The following ARMH1 variants were observed in gnomAD, a reference collection of about 807,000 sequenced individuals.
ARMH1 encodes the protein armadillo-like helical domain containing protein 1.
In ARMH1, 34 loss-of-function variants were observed where a neutral mutation model predicts 50.2. The observed-to-expected ratio is 0.68, with a 90% confidence interval of 0.51 to 0.90. The LOEUF is 0.90. Ranked by LOEUF, ARMH1 falls within the 40% of genes least tolerant of loss-of-function variation. The pLI is 0.00. For missense variants in ARMH1, 538 were observed against 553.9 expected, an observed-to-expected ratio of 0.97 and a Z score of 0.29; for synonymous variants, 221 against 224.2, an observed-to-expected ratio of 0.99 and a Z score of 0.13.
At chr1:44,685,200 G>A (rs1645429538) in intron 1 of ARMH1, among the ~76,000 whole-genome samples, 1 of 152,028 alleles carries the variant, frequency 6.6e-6, no homozygotes, top group Non-Finnish European at 1.5e-5. Context: ...TACAACTTCA[G>A]AAAGGTTTCA....
chr1:44,714,453 T>C (rs6693615), intron 6 of ARMH1, among the ~76,000 whole-genome samples: 73,920 of 150,638 alleles, frequency 0.49, 19,439 homozygotes, highest in African/African-American at 0.69. Flanking sequence ...GGCGTGGTGG[T>C]GCATGCCTGT....
intron 6 of ARMH1, chr1:44,721,771 A>AT (rs1399665890): frequency 1.2e-4 from 18 of 152,170 alleles, no homozygotes; most frequent in Non-Finnish European, 2.5e-4. Context: ...GTCTCTCTTT[A>AT]GTAACAGAAC....
At chr1:44,680,698 G>T (rs774036866) in intron 1 of ARMH1, among the ~76,000 whole-genome samples, 60 of 152,186 alleles carry the variant, frequency 3.9e-4, no homozygotes, top group Non-Finnish European at 6.5e-4. Context: ...GAAGACAGGA[G>T]TAGAACCTAG....
chr1:44,675,835 C>G (rs967331060), intron 1 of ARMH1, among the ~76,000 whole-genome samples: 7 of 152,078 alleles, frequency 4.6e-5, no homozygotes, highest in Non-Finnish European at 8.8e-5. Flanking sequence ...TGGTGCACAC[C>G]TGTAATCCCA....
rs575474186 is a variant in ARMH1, at chr1:44,681,400, C to T, written c.-23+6527C>T. Among the ~76,000 whole-genome samples the T allele has an allele frequency of 4.6e-5, 7 of 152,160 alleles. No individual in the cohort carries two copies. The highest frequency in any genetic ancestry group is 1.9e-4 in the East Asian group (1 of 5,162). Reference sequence around the variant, plus strand: ...CTGAGGCAGGAGGATCGCTTGAGCCCGGGAGTTCAAGACTGCATTGAGCTA... The same window carrying T: ...CTGAGGCAGGAGGATCGCTTGAGCCTGGGAGTTCAAGACTGCATTGAGCTA... On this transcript the variant is annotated intron_variant, in intron 1 of 11. Coordinates refer to ENST00000535358, the MANE Select transcript of ARMH1 (RefSeq NM_001145636.2). The surrounding 1 kb of genome is among the most constrained non-coding windows in gnomAD (Gnocchi z 4.3).
rs1471717997 is a variant in ARMH1, at chr1:44,682,689, G to T, written c.-22-6987G>T. Among the ~76,000 whole-genome samples the T allele has an allele frequency of 6.6e-6, 1 of 152,198 alleles. No individual in the cohort carries two copies. Among genetic ancestry groups the T allele is most frequent in the East Asian group, 1.9e-4 (1 of 5,202 alleles). On this transcript the variant is annotated intron_variant, in intron 1 of 11. Coordinates refer to ENST00000535358, the MANE Select transcript of ARMH1 (RefSeq NM_001145636.2). The surrounding 1 kb of genome is among the most constrained non-coding windows in gnomAD (Gnocchi z 4.5). ...ACCTGTAATCCCAGTACTTTGGGAG[G>T]CCGAGGCAGGAGGATTGCTTGAGCC...
At chr1:44,677,265 ATT>A (rs1378331121) in intron 1 of ARMH1, among the ~76,000 whole-genome samples, 1 of 152,190 alleles carries the variant, frequency 6.6e-6, no homozygotes, top group Non-Finnish European at 1.5e-5. Flanking sequence ...GTGACCATTA[ATT>A]TTCGGAAGCA....
intron 2 of ARMH1, among the ~76,000 whole-genome samples, chr1:44,690,503 T>C (rs60528709): frequency 0.031 from 4,764 of 152,268 alleles, 259 homozygotes; most frequent in African/African-American, 0.11. Context: ...ACTTGAACCC[T>C]TTCCTATCTC....
chr1:44,700,868 G>A (rs1326185216), intron 4 of ARMH1, 55 bp from the exon 5 acceptor site: 1 of 1,407,262 alleles, frequency 7.1e-7, no homozygotes, highest in Non-Finnish European at 9.6e-7. Flanking sequence ...AATCTTGAGT[G>A]GGGATTTTTT....
intron 2 of ARMH1, among the ~76,000 whole-genome samples, chr1:44,696,475 T>C (rs1573351135): frequency 6.6e-6 from 1 of 152,242 alleles, no homozygotes; most frequent in Admixed American, 6.5e-5. Flanking sequence ...TCATACCTTG[T>C]ATCTGAGCTG....
At chr1:44,703,685 G>A (rs562822867) in intron 5 of ARMH1, among the ~76,000 whole-genome samples, 16 of 147,828 alleles carry the variant, frequency 1.1e-4, no homozygotes, top group Admixed American at 2.7e-4. Flanking sequence ...CCGAGATCGC[G>A]CCACTGCACT....
intron 2 of ARMH1, among the ~76,000 whole-genome samples, chr1:44,691,195 T>C (rs1219946893): frequency 1.3e-5 from 2 of 151,846 alleles, no homozygotes; most frequent in Non-Finnish European, 2.9e-5. Context: ...GAGGCGGAGG[T>C]TGCAGTGAGC....
chr1:44,713,778 T>G (rs1646723461), intron 6 of ARMH1, among the ~76,000 whole-genome samples: 1 of 152,140 alleles, frequency 6.6e-6, no homozygotes, highest in Admixed American at 6.5e-5. Flanking sequence ...TCAGGGATAG[T>G]TCAAAACATC....
intron 6 of ARMH1, among the ~76,000 whole-genome samples, chr1:44,721,623 T>G (rs921921871): frequency 6.6e-6 from 1 of 152,098 alleles, no homozygotes; most frequent in Non-Finnish European, 1.5e-5. Context: ...GACAGGCTTA[T>G]GAGGCTGAGG....
At chr1:44,677,127 G>A (rs1425303806) in intron 1 of ARMH1, among the ~76,000 whole-genome samples, 1 of 152,222 alleles carries the variant, frequency 6.6e-6, no homozygotes, top group East Asian at 1.9e-4. Context: ...GTGAGAGTGG[G>A]ATTGGAGATG....
intron 5 of ARMH1, 48 bp from the exon 6 acceptor site, chr1:44,704,038 TTAA>T: frequency 2.8e-6 from 4 of 1,426,208 alleles, no homozygotes; most frequent in Non-Finnish European, 2.9e-6. Flanking sequence ...GAATCCATCT[TTAA>T]AAAAAAAAAA....
At position 44,725,195 on chromosome 1, in the gene ARMH1, C is replaced by T; in HGVS notation, c.1188C>T (p.Ala396=). 1 of 1,552,018 alleles carries T rather than the reference C, an allele frequency of 6.4e-7. No individual in the cohort carries two copies. The highest frequency in any genetic ancestry group is 8.7e-7 in the Non-Finnish European group (1 of 1,147,042). Residue 396 remains alanine, a synonymous_variant, in exon 11 of 12, where the codon GCC becomes GCT. Coordinates refer to ENST00000535358, the MANE Select transcript of ARMH1 (RefSeq NM_001145636.2). ...IDSIQADILA[A]NTVNVTKALC... is the part of the protein sequence containing the mutation. The stretch of plus-strand genomic sequence containing the variant: ...GCATTCAGGCGGACATCTTGGCGGC[C>T]AACACAGTCAATGTTACCAAAGGTG...
At chr1:44,721,601 T>C (rs183527978) in intron 6 of ARMH1, among the ~76,000 whole-genome samples, 6 of 152,104 alleles carry the variant, frequency 3.9e-5, no homozygotes, top group East Asian at 1.9e-4. Context: ...CTACAAAAAG[T>C]ACACAAAATT....
chr1:44,721,650 GC>G, intron 6 of ARMH1: 1 of 152,132 alleles, frequency 6.6e-6, no homozygotes, highest in Non-Finnish European at 1.5e-5. Flanking sequence ...GATTGCTTGA[GC>G]ATGGGAGATG....
Sources: gnomAD v4.1 joint callset for allele counts (sites outside exome capture counted in the v4.1 genomes callset) on GRCh38, gnomAD v4.1.1 for gene constraint, Gnocchi (gnomAD v3.1) non-coding constraint, MANE v1.5 for transcripts, NCBI Gene and HGNC (gene_info 2026-07-23, HGNC 2026-07-21) for gene names.